The following MPPED2 variants were observed in gnomAD, a reference collection of about 807,000 sequenced individuals.
MPPED2 encodes metallophosphoesterase domain containing 2.
In MPPED2, 5 loss-of-function variants were observed where a neutral mutation model predicts 33.0. That is an observed-to-expected ratio of 0.15 (90% CI 0.08 to 0.32). MPPED2 has a LOEUF of 0.32. Among genes scored for constraint, MPPED2 ranks in the 10% least tolerant of loss-of-function variants. The pLI is 1.00. For missense variants in MPPED2, 275 were observed against 372.1 expected, an observed-to-expected ratio of 0.74 and a Z score of 2.15; for synonymous variants, 136 against 141.9, an observed-to-expected ratio of 0.96 and a Z score of 0.29.
At chr11:30,447,816 G>A (rs1949878299) in intron 4 of MPPED2, among the ~76,000 whole-genome samples, 1 of 152,124 alleles carries the variant, frequency 6.6e-6, no homozygotes, top group Non-Finnish European at 1.5e-5. Context: ...GAGGTTTCGT[G>A]AGTCCCTGCC....
At chr11:30,521,138 G>A (rs1953853330) in intron 3 of MPPED2, among the ~76,000 whole-genome samples, 2 of 151,932 alleles carry the variant, frequency 1.3e-5, no homozygotes, top group Non-Finnish European at 2.9e-5. Context: ...TTATGAATTT[G>A]GGGGGAGATT....
At chr11:30,484,382 C>T (rs1951627757) in intron 4 of MPPED2, among the ~76,000 whole-genome samples, 1 of 152,162 alleles carries the variant, frequency 6.6e-6, no homozygotes. Context: ...TGTATTTACA[C>T]TTTAACCAAG....
downstream of MPPED2, among the ~76,000 whole-genome samples, chr11:30,406,543 G>A (rs1320580748): frequency 1.3e-5 from 2 of 152,082 alleles, no homozygotes; most frequent in African/African-American, 4.8e-5. Context: ...AAGGTAGAGG[G>A]GACACTTAGA....
At chr11:30,538,596 T>G (rs904603443) in intron 2 of MPPED2, among the ~76,000 whole-genome samples, 2 of 152,064 alleles carry the variant, frequency 1.3e-5, no homozygotes, top group East Asian at 3.9e-4. Flanking sequence ...AATATCAAAG[T>G]CCAAGGAACA....
chr11:30,569,730 C>A (rs1296472581), intron 2 of MPPED2, among the ~76,000 whole-genome samples: 4 of 152,110 alleles, frequency 2.6e-5, no homozygotes, highest in African/African-American at 9.7e-5. Context: ...TCCCAAAAAT[C>A]ATTCCTTCTC....
intron 3 of MPPED2, among the ~76,000 whole-genome samples, chr11:30,519,751 C>A (rs1953748094): frequency 6.6e-6 from 1 of 151,856 alleles, no homozygotes; most frequent in Non-Finnish European, 1.5e-5. Context: ...TACTAGTAAC[C>A]CCAGTACTAT....
intron 3 of MPPED2, among the ~76,000 whole-genome samples, chr11:30,515,344 G>C (rs1953468418): frequency 6.6e-6 from 1 of 152,110 alleles, no homozygotes; most frequent in African/African-American, 2.4e-5. Flanking sequence ...GAGAACCAGG[G>C]AAGAGCTCAT....
chr11:30,507,173 T>C (rs1013219965), intron 3 of MPPED2, among the ~76,000 whole-genome samples: 5 of 152,212 alleles, frequency 3.3e-5, no homozygotes, highest in African/African-American at 9.6e-5. Flanking sequence ...TGGGTTCCAA[T>C]TGGCTTATAT....
intron 4 of MPPED2, among the ~76,000 whole-genome samples, chr11:30,484,068 T>C (rs1485564665): frequency 2.0e-5 from 3 of 152,210 alleles, no homozygotes; most frequent in Non-Finnish European, 2.9e-5. Flanking sequence ...AATATAGCAT[T>C]GGTTTCACTT....
intron 2 of MPPED2, among the ~76,000 whole-genome samples, chr11:30,563,662 G>C (rs919563361): frequency 6.6e-6 from 1 of 152,194 alleles, no homozygotes. Context: ...ACTCTAAAGA[G>C]GGTGGGGAGA....
intron 4 of MPPED2, among the ~76,000 whole-genome samples, chr11:30,445,368 C>A (rs571066263): frequency 3.9e-5 from 6 of 152,304 alleles, no homozygotes; most frequent in Admixed American, 2.0e-4. Flanking sequence ...GACCAAACAT[C>A]TTTCCATTCT....
At chr11:30,482,851 C>T (rs910040933) in intron 4 of MPPED2, among the ~76,000 whole-genome samples, 1 of 152,172 alleles carries the variant, frequency 6.6e-6, no homozygotes, top group African/African-American at 2.4e-5. Context: ...TCAAAATTTC[C>T]TATGAACTGT....
chr11:30,468,730 A>G (rs1170786709), intron 4 of MPPED2, among the ~76,000 whole-genome samples: 2 of 152,188 alleles, frequency 1.3e-5, no homozygotes, highest in Admixed American at 1.3e-4. Context: ...CACCAAAACC[A>G]TGGCTACCTC....
At chr11:30,577,539 G>A (rs1283243295) in intron 2 of MPPED2, among the ~76,000 whole-genome samples, 2 of 152,288 alleles carry the variant, frequency 1.3e-5, no homozygotes, top group African/African-American at 2.4e-5. Flanking sequence ...AAAAACTGAA[G>A]ACATTTTAGA....
At chr11:30,526,759 A>T (rs1180646897) in intron 3 of MPPED2, among the ~76,000 whole-genome samples, 1 of 151,908 alleles carries the variant, frequency 6.6e-6, no homozygotes, top group Non-Finnish European at 1.5e-5. Flanking sequence ...ACTGTTAGGT[A>T]ATCATAAACT....
At chr11:30,395,150 A>G (rs1947824909) in intron 6 of MPPED2, among the ~76,000 whole-genome samples, 1 of 152,168 alleles carries the variant, frequency 6.6e-6, no homozygotes, top group Non-Finnish European at 1.5e-5. Flanking sequence ...TTTGTTTCTG[A>G]ATCATTTTCT....
intron 4 of MPPED2, among the ~76,000 whole-genome samples, chr11:30,420,895 T>C (rs1010802062): frequency 1.8e-4 from 27 of 152,136 alleles, no homozygotes; most frequent in African/African-American, 6.5e-4. Flanking sequence ...TCTTCTAAGG[T>C]TTGTTTTAAA....
chr11:30,532,814 C>T (rs928537530), intron 3 of MPPED2, among the ~76,000 whole-genome samples: 7 of 152,102 alleles, frequency 4.6e-5, no homozygotes, highest in African/African-American at 1.4e-4. Context: ...TGATAAATTA[C>T]GCATGTTAAT....
chr11:30,406,919 T>C (rs1313794561), downstream of MPPED2, among the ~76,000 whole-genome samples: 1 of 152,202 alleles, frequency 6.6e-6, no homozygotes, highest in Non-Finnish European at 1.5e-5. Flanking sequence ...AAAGTGGGAA[T>C]AGAGCATGAA....
Sources: gnomAD v4.1 joint callset for allele counts (sites outside exome capture counted in the v4.1 genomes callset) on GRCh38, gnomAD v4.1.1 for gene constraint, MANE v1.5 for transcripts, NCBI Gene and HGNC (gene_info 2026-07-23, HGNC 2026-07-21) for gene names.